The following RCBTB1 variants were observed in gnomAD, a reference collection of about 807,000 sequenced individuals.
RCBTB1 encodes RCC1 and BTB domain-containing protein 1.
In RCBTB1, 46 loss-of-function variants were observed where a neutral mutation model predicts 62.4. The observed-to-expected ratio is 0.74, with a 90% CI of 0.58 to 0.94. The LOEUF (loss-of-function observed/expected upper bound fraction) is 0.94, where lower values mean the gene tolerates loss of function less well. Ranked by LOEUF, RCBTB1 falls within the 40% of genes least tolerant of loss-of-function variation. The pLI is 0.00. For missense variants in RCBTB1, 565 were observed against 654.9 expected, an observed-to-expected ratio of 0.86 and a Z score of 1.50; for synonymous variants, 222 against 245.8, an observed-to-expected ratio of 0.90 and a Z score of 0.91.
chr13:49,568,061 T>C lies in RCBTB1; in HGVS notation c.-41-741A>G, dbSNP rs146841476. Among the ~76,000 whole-genome samples the C allele has an allele frequency of 7.2e-4, 110 of 152,348 alleles. 1 individual carries two copies. Among genetic ancestry groups the C allele is most frequent in the African/African-American group, 2.6e-3 (107 of 41,596 alleles). ...TGACCCTCTCCTCAAAGGCCACCAC[T>C]GTTCCCAGTGATCTGTAATTCCTTC... is the stretch of plus-strand genomic sequence containing the variant. On this transcript the variant is annotated intron_variant, in intron 2 of 12. Transcript: ENST00000378302.
At chr13:49,574,737 G>C (rs568492808) in intron 2 of RCBTB1, among the ~76,000 whole-genome samples, 29 of 150,252 alleles carry the variant, frequency 1.9e-4, no homozygotes, top group African/African-American at 7.1e-4. Flanking sequence ...TCCATTTCTA[G>C]CATATACCCC....
At chr13:49,544,602 G>A (rs1463090384) in intron 10 of RCBTB1, 135 bp downstream of exon 10, 7 of 658,298 alleles carry the variant, frequency 1.1e-5, no homozygotes, top group Non-Finnish European at 1.8e-5. Context: ...GAAATGGACT[G>A]ATACTATCTG....
At chr13:49,563,731 C>T (rs972461305) in intron 4 of RCBTB1, among the ~76,000 whole-genome samples, 6 of 152,204 alleles carry the variant, frequency 3.9e-5, no homozygotes, top group African/African-American at 1.4e-4. Flanking sequence ...GTGAGATAAT[C>T]ACCTCATTAT....
In RCBTB1 at chr13:49,566,307, A is replaced by T. The variant is rs568614163; in HGVS notation, c.277+311T>A. 1.5e-3 allele frequency among the ~76,000 whole-genome samples: 230 copies of T among 151,628 alleles called. 1 individual carries two copies. Among genetic ancestry groups the T allele is most frequent in the South Asian group, 5.6e-3 (27 of 4,812 alleles). On this transcript the variant is annotated intron_variant, in intron 4 of 12. Coordinates refer to ENST00000378302, the MANE Select transcript of RCBTB1 (RefSeq NM_018191.4). ...ATAAATAAATAAATAAATAAATAAA[A>T]AAGTTGCATTGCAACACAAATCCAC...
chr13:49,557,478 T>C (rs1461405150), intron 5 of RCBTB1, among the ~76,000 whole-genome samples: 2 of 152,172 alleles, frequency 1.3e-5, no homozygotes, highest in Middle Eastern at 3.4e-3. Flanking sequence ...ACTAGGAGGA[T>C]AGTAAAGTTA....
chr13:49,579,398 C>T (rs964115021), intron 2 of RCBTB1, among the ~76,000 whole-genome samples: 18 of 151,954 alleles, frequency 1.2e-4, no homozygotes, highest in East Asian at 3.9e-4. Context: ...CCGAGGCAGG[C>T]GGATCACGAG....
chr13:49,580,309 G>A (rs537141007), intron 2 of RCBTB1, among the ~76,000 whole-genome samples, 196 bp downstream of exon 2: 3 of 152,320 alleles, frequency 2.0e-5, no homozygotes, highest in African/African-American at 7.2e-5. Flanking sequence ...AGATGGCTGG[G>A]TGAAGTGGCT....
At chr13:49,563,891 T>C (rs1962684250) in intron 4 of RCBTB1, among the ~76,000 whole-genome samples, 1 of 152,208 alleles carries the variant, frequency 6.6e-6, no homozygotes, top group African/African-American at 2.4e-5. Flanking sequence ...GACAGCATTC[T>C]AGGAAGCTGT....
Position 49,566,645 on chromosome 13 carries a change from CACTCCCGTA to C in RCBTB1, c.241_249del (p.Tyr81_Ser83del). 6.2e-7 allele frequency: 1 copy of C among 1,613,930 alleles called. No homozygotes were observed. The highest frequency in any genetic ancestry group is 8.5e-7 in the Non-Finnish European group (1 of 1,179,938). Reference sequence around the variant, plus strand: ...TCGGTGCTGAGAAGAACATGTGGTCCACTCCCGTAACTGAGGCTTTTAATCTTCTTTCCA... The same window carrying C: ...TCGGTGCTGAGAAGAACATGTGGTCCACTGAGGCTTTTAATCTTCTTTCCA... On this transcript the variant is annotated inframe_deletion, in exon 4 of 13. Coordinates refer to ENST00000378302, the MANE Select transcript of RCBTB1 (RefSeq NM_018191.4).
rs2139097721 is a variant in RCBTB1 at position 49,532,647 on chromosome 13, T to C, written c.*1475A>G. ...TATTTCAGCTATCAGTGAATTCCTA[T>C]CTTTAGGGCCTCACTCCCCTTCCCA... On this transcript the variant is annotated 3_prime_UTR_variant, in exon 13 of 13. Transcript: ENST00000378302. 6.6e-6 allele frequency: 1 copy of C among 152,248 alleles called. No homozygotes were observed. The highest frequency in any genetic ancestry group is 2.4e-5 in the African/African-American group (1 of 41,522). The allele number at this position is 152,248 out of a possible 1,614,324, so 9.4% of individuals were successfully genotyped here.
rs1427998217 is a variant in RCBTB1 at position 49,532,310 on chromosome 13, A to C, written c.*1812T>G. 1 of 152,658 alleles carries C rather than the reference A, an allele frequency of 6.6e-6. No individual in the cohort carries two copies. Among genetic ancestry groups the C allele is most frequent in the Non-Finnish European group, 1.5e-5 (1 of 68,038 alleles). 9.5% of individuals were successfully genotyped at this position (152,658 alleles called of 1,614,324 possible). ...CTTCACTTATATTAGGAACTTGGTA[A>C]ATATTTGTTGAATGAATGAACTATC... On this transcript the variant is annotated 3_prime_UTR_variant, in exon 13 of 13. Coordinates refer to ENST00000378302, the MANE Select transcript of RCBTB1 (RefSeq NM_018191.4).
intron 8 of RCBTB1, chr13:49,551,060 G>A: frequency 2.5e-6 from 1 of 400,296 alleles, no homozygotes; most frequent in Non-Finnish European, 4.5e-6. Context: ...CCGAGATCGT[G>A]CCATTGCACT....
chr13:49,561,068 T>C (rs17069328), intron 4 of RCBTB1, among the ~76,000 whole-genome samples: 37,059 of 152,096 alleles, frequency 0.24, 5,832 homozygotes, highest in African/African-American at 0.44. Flanking sequence ...TCTTGAAGTA[T>C]CATCGTTTCA....
chr13:49,533,992 T>G lies in RCBTB1; in HGVS notation c.*130A>C, dbSNP rs1031628192. The stretch of plus-strand genomic sequence containing the variant: ...TGTTATGTTCCTACACAAACAACTG[T>G]GTCCCAGATGTGGAAAAAAACAACC... On this transcript the variant is annotated 3_prime_UTR_variant, in exon 13 of 13. Transcript: ENST00000378302. 1.0e-5 allele frequency: 9 copies of G among 872,472 alleles called. No individual in the cohort carries two copies. The African/African-American group carries it at 1.3e-4, about 13-fold the overall frequency. 54.0% of individuals were successfully genotyped at this position (872,472 alleles called of 1,614,324 possible). A position where few individuals can be genotyped will look rare whatever the true frequency, so the allele number is the denominator to read the frequency against.
chr13:49,555,886 C>T (rs1381729799), intron 5 of RCBTB1, among the ~76,000 whole-genome samples: 1 of 152,140 alleles, frequency 6.6e-6, no homozygotes, highest in Non-Finnish European at 1.5e-5. Context: ...TATACATCTC[C>T]GTTTTATACA....
intron 2 of RCBTB1, among the ~76,000 whole-genome samples, chr13:49,575,282 G>C (rs1963696942): frequency 6.6e-6 from 1 of 152,160 alleles, no homozygotes; most frequent in South Asian, 2.1e-4. Context: ...TACAGCAGAG[G>C]CAACACTATA....
At position 49,544,882 on chromosome 13, in the gene RCBTB1, T is replaced by A; in HGVS notation, c.1046-19A>T. ...TCATGCTCTGAAGGCAACAAACATA[T>A]ATTAATATGGCAAGTTCAAGGAACA... On this transcript the variant is annotated intron_variant, in intron 9 of 12. Coordinates refer to ENST00000378302, the MANE Select transcript of RCBTB1 (RefSeq NM_018191.4). 2 of 1,599,016 alleles carry A rather than the reference T, an allele frequency of 1.3e-6. No homozygotes were observed.
intron 2 of RCBTB1, among the ~76,000 whole-genome samples, chr13:49,575,166 C>G (rs1216606926): frequency 6.6e-6 from 1 of 152,096 alleles, no homozygotes; most frequent in Non-Finnish European, 1.5e-5. Flanking sequence ...TTCAACATCA[C>G]TAATCATCAG....
At chr13:49,565,164 G>A (rs1010805847) in intron 4 of RCBTB1, among the ~76,000 whole-genome samples, 6 of 152,208 alleles carry the variant, frequency 3.9e-5, no homozygotes, top group Non-Finnish European at 5.9e-5. Context: ...GCAGGGGCGC[G>A]CCGCCACACC....
Sources: gnomAD v4.1 joint callset for allele counts (sites outside exome capture counted in the v4.1 genomes callset) on GRCh38, gnomAD v4.1.1 for gene constraint, MANE v1.5 for transcripts, NCBI Gene and HGNC (gene_info 2026-07-23, HGNC 2026-07-21) for gene names.